Variants in REDIC1 observed in about 807,000 individuals in gnomAD.
REDIC1 encodes the protein HEI10 Interacting Protein 1.
chr12:39,896,256 G>A, the REDIC1 span, among the ~76,000 whole-genome samples: 212 of 88,818 alleles, frequency 2.4e-3, 2 homozygotes, highest in African/African-American at 8.3e-3. Flanking sequence ...ATACATGTAT[G>A]TATATGTGTG....
the REDIC1 span, among the ~76,000 whole-genome samples, chr12:39,808,923 C>G: frequency 6.6e-6 from 1 of 151,974 alleles, no homozygotes; most frequent in Non-Finnish European, 1.5e-5. Flanking sequence ...TTTTAATGAA[C>G]TCCAATATAT....
chr12:39,818,260 T>A, the REDIC1 span, among the ~76,000 whole-genome samples: 1 of 152,130 alleles, frequency 6.6e-6, no homozygotes, highest in East Asian at 1.9e-4. Context: ...TTTGAAACTT[T>A]TCTGTGAAGT....
At chr12:39,707,073 G>T in the REDIC1 span, among the ~76,000 whole-genome samples, 1 of 151,812 alleles carries the variant, frequency 6.6e-6, no homozygotes, top group African/African-American at 2.4e-5. Flanking sequence ...AATCAATAAA[G>T]AGACAACCCA....
the REDIC1 span, chr12:39,683,578 C>A: frequency 9.6e-7 from 1 of 1,036,908 alleles, no homozygotes; most frequent in Non-Finnish European, 1.4e-6. Context: ...AGGCGTATTG[C>A]CATTTGAGGG....
chr12:39,654,456 C>T, the REDIC1 span, among the ~76,000 whole-genome samples: 121 of 152,068 alleles, frequency 8.0e-4, no homozygotes, highest in Middle Eastern at 3.4e-3. Flanking sequence ...GGTGTGGTGG[C>T]GGGCGCCTGT....
the REDIC1 span, among the ~76,000 whole-genome samples, chr12:39,871,098 A>G: frequency 2.3e-3 from 348 of 152,320 alleles, 1 homozygote; most frequent in African/African-American, 7.9e-3. Flanking sequence ...TTAGAAAATT[A>G]TACCATGCAG....
At chr12:39,794,389 T>A in the REDIC1 span, among the ~76,000 whole-genome samples, 4 of 152,204 alleles carry the variant, frequency 2.6e-5, no homozygotes, top group Non-Finnish European at 5.9e-5. Context: ...TATTGTTAAA[T>A]TACATTTGGC....
chr12:39,799,755 G>A, the REDIC1 span, among the ~76,000 whole-genome samples: 3 of 152,166 alleles, frequency 2.0e-5, no homozygotes, highest in South Asian at 2.1e-4. Flanking sequence ...ATACAAGAAC[G>A]TGTTTTGAGA....
the REDIC1 span, among the ~76,000 whole-genome samples, chr12:39,750,450 T>A: frequency 6.6e-6 from 1 of 152,190 alleles, no homozygotes; most frequent in Non-Finnish European, 1.5e-5. Flanking sequence ...TGCTCATGGA[T>A]AGGAAGAATC....
the REDIC1 span, among the ~76,000 whole-genome samples, chr12:39,861,469 T>C: frequency 1.2e-4 from 19 of 152,336 alleles, 1 homozygote; most frequent in Admixed American, 1.1e-3. Context: ...AAATGTTTTA[T>C]GATAGTGATT....
chr12:39,896,504 ATG>A, the REDIC1 span, among the ~76,000 whole-genome samples: 5 of 146,868 alleles, frequency 3.4e-5, no homozygotes, highest in Non-Finnish European at 6.0e-5. Context: ...ACATATATGT[ATG>A]TACATGTGTG....
At chr12:39,631,490 T>A in the REDIC1 span, among the ~76,000 whole-genome samples, 1 of 152,140 alleles carries the variant, frequency 6.6e-6, no homozygotes, top group Non-Finnish European at 1.5e-5. Flanking sequence ...CAGAATGCAA[T>A]TGAAGGAGCC....
chr12:39,714,763 G>GA, the REDIC1 span, among the ~76,000 whole-genome samples: 1 of 151,846 alleles, frequency 6.6e-6, no homozygotes, highest in South Asian at 2.1e-4. Context: ...ATTCTTGCAG[G>GA]AGTAAGGTGG....
the REDIC1 span, among the ~76,000 whole-genome samples, chr12:39,836,565 G>A: frequency 2.0e-5 from 3 of 150,950 alleles, no homozygotes; most frequent in South Asian, 2.1e-4. Flanking sequence ...GTTTGCAGAC[G>A]ATATGATTGT....
At chr12:39,836,071 G>A in the REDIC1 span, among the ~76,000 whole-genome samples, 1 of 152,060 alleles carries the variant, frequency 6.6e-6, no homozygotes, top group African/African-American at 2.4e-5. Context: ...ACACAGAAAA[G>A]CCAGAGAAAG....
the REDIC1 span, among the ~76,000 whole-genome samples, chr12:39,806,504 A>G: frequency 6.6e-6 from 1 of 152,146 alleles, no homozygotes; most frequent in African/African-American, 2.4e-5. Context: ...ATCTGATTGC[A>G]TTTATCATTA....
the REDIC1 span, among the ~76,000 whole-genome samples, chr12:39,890,572 T>C: frequency 1.3e-5 from 2 of 152,222 alleles, no homozygotes; most frequent in African/African-American, 4.8e-5. Flanking sequence ...CTCTGTCAGA[T>C]TTCTGACATA....
chr12:39,834,343 A>G, the REDIC1 span, among the ~76,000 whole-genome samples: 17 of 152,074 alleles, frequency 1.1e-4, no homozygotes, highest in Admixed American at 5.2e-4. Flanking sequence ...TTCTACATCC[A>G]TATCTGTCCT....
the REDIC1 span, among the ~76,000 whole-genome samples, chr12:39,784,624 A>T: frequency 6.6e-6 from 1 of 152,232 alleles, no homozygotes; most frequent in Admixed American, 6.5e-5. Flanking sequence ...TAAAAACCCT[A>T]GAAGAAAATC....
Sources: allele counts gnomAD v4.1 joint callset (sites outside exome capture counted in the v4.1 genomes callset), GRCh38; gene constraint gnomAD v4.1.1; transcripts MANE v1.5; gene names NCBI Gene and HGNC (gene_info 2026-07-23, HGNC 2026-07-21).